The following SLC15A1 variants were observed in gnomAD, a reference collection of about 807,000 sequenced individuals.
The protein encoded by SLC15A1 is solute carrier family 15 member 1.
SLC15A1 carries 83 observed loss-of-function variants against 92.9 expected under a neutral mutation model. That is an observed-to-expected ratio of 0.89 (90% CI 0.75 to 1.07). SLC15A1 has a LOEUF of 1.07. SLC15A1 is among the 50% of genes least tolerant of loss of function. SLC15A1 has a pLI of 0.00. For missense variants in SLC15A1, 857 were observed against 880.1 expected (o/e 0.97, Z 0.33); for synonymous variants, 322 against 318.2 (o/e 1.01, Z -0.13).
At chr13:98,726,062 A>G (rs185008935) in intron 4 of SLC15A1, 61 bp downstream of exon 4, 13 of 1,587,658 alleles carry the variant, frequency 8.2e-6, no homozygotes, top group Admixed American at 5.3e-5. Context: ...ACCATTCCCA[A>G]CTACAAAACC....
intron 1 of SLC15A1, among the ~76,000 whole-genome samples, chr13:98,744,325 C>T (rs1246542161): frequency 2.8e-5 from 4 of 144,146 alleles, no homozygotes; most frequent in East Asian, 2.0e-4. Context: ...AAGACCCTAA[C>T]TTATACACAC....
intron 22 of SLC15A1, among the ~76,000 whole-genome samples, chr13:98,685,748 G>T (rs771989804): frequency 3.9e-5 from 6 of 152,086 alleles, no homozygotes; most frequent in Non-Finnish European, 7.4e-5. Flanking sequence ...AGCACTTTGG[G>T]GGGCCAAGGT....
At chr13:98,720,966 T>G in intron 7 of SLC15A1, 1 of 366,104 alleles carries the variant, frequency 2.7e-6, no homozygotes, top group South Asian at 2.1e-5. Flanking sequence ...GCAGGAGAAT[T>G]GCTTGAACCC....
At chr13:98,747,468 G>GT in intron 1 of SLC15A1, among the ~76,000 whole-genome samples, 1 of 152,308 alleles carries the variant, frequency 6.6e-6, no homozygotes, top group South Asian at 2.1e-4. Context: ...GGGGAATAGA[G>GT]TAGCAGTCCC....
chr13:98,710,373 A>T (rs1248218766), intron 11 of SLC15A1, among the ~76,000 whole-genome samples: 2 of 152,170 alleles, frequency 1.3e-5, no homozygotes, highest in East Asian at 3.9e-4. Flanking sequence ...TGGTGGATTT[A>T]TACCTGGGCA....
intron 1 of SLC15A1, among the ~76,000 whole-genome samples, chr13:98,738,314 G>A (rs2088411079): frequency 1.3e-5 from 2 of 152,264 alleles, no homozygotes; most frequent in Admixed American, 1.3e-4. Context: ...ACTTGCCAGA[G>A]ATATTTGCAT....
At chr13:98,707,891 T>TA (rs745924829) in intron 15 of SLC15A1, among the ~76,000 whole-genome samples, 1,468 of 106,672 alleles carry the variant, frequency 0.014, 62 homozygotes, top group East Asian at 0.11. Context: ...AGACCCTGTT[T>TA]AAAAAAAAAA....
chr13:98,723,028 T>C (rs7989936), intron 5 of SLC15A1, among the ~76,000 whole-genome samples: 1,861 of 152,258 alleles, frequency 0.012, 33 homozygotes, highest in African/African-American at 0.041. Context: ...AGAAACTTGC[T>C]CAAGCTCACA....
rs142716339 is a variant in SLC15A1 at position 98,684,910 on chromosome 13, G to A, written c.1941C>T (p.Ala647=). 1.9e-5 allele frequency: 31 copies of A among 1,610,350 alleles called. No individual in the cohort carries two copies. In the African/African-American group the frequency reaches 2.1e-4, roughly 11 times the overall value. ...AGAGQFSKQW[A]EYILFAALLL... is the part of the protein sequence containing the mutation. ...GCAACGCGGCAAATAGAATGTACTC[G>A]GCCCACTTTGAAGAAATCAGAGTTG... The change falls in exon 23 of 23, where the codon GCC becomes GCT. Residue 647 remains alanine, a synonymous_variant. Coordinates refer to ENST00000376503, the MANE Select transcript of SLC15A1 (RefSeq NM_005073.4).
intron 5 of SLC15A1, 134 bp downstream of exon 5, chr13:98,723,778 T>C (rs1187774928): frequency 8.1e-7 from 1 of 1,234,322 alleles, no homozygotes; most frequent in African/African-American, 1.5e-5. Context: ...TTGACAGCCT[T>C]CTCCATGCTG....
At chr13:98,740,663 C>G (rs560645080) in intron 1 of SLC15A1, among the ~76,000 whole-genome samples, 2 of 152,282 alleles carry the variant, frequency 1.3e-5, no homozygotes, top group Non-Finnish European at 2.9e-5. Flanking sequence ...ACAGAGCCTC[C>G]TGTAGCATAG....
intron 1 of SLC15A1, among the ~76,000 whole-genome samples, chr13:98,728,992 A>C (rs1451480843): frequency 2.7e-5 from 4 of 146,760 alleles, no homozygotes; most frequent in African/African-American, 5.0e-5. Flanking sequence ...AAAAAAAAAA[A>C]AAAAAAAAAA....
chr13:98,752,472 C>T, intron 1 of SLC15A1, 123 bp downstream of exon 1: 1 of 935,316 alleles, frequency 1.1e-6, no homozygotes, highest in Non-Finnish European at 1.4e-6. Context: ...CCCCCGTGGG[C>T]CTTCGGGTCG....
At chr13:98,719,819 A>C (rs534315600) in intron 7 of SLC15A1, among the ~76,000 whole-genome samples, 25 of 152,196 alleles carry the variant, frequency 1.6e-4, no homozygotes, top group African/African-American at 6.0e-4. Context: ...ACTTAACCCC[A>C]CCTTTGCAGG....
intron 1 of SLC15A1, among the ~76,000 whole-genome samples, chr13:98,730,088 CAG>C (rs566389301): frequency 3.9e-4 from 59 of 151,704 alleles, no homozygotes; most frequent in African/African-American, 1.3e-3. Context: ...GCCAGCTACT[CAG>C]GAGGCTGAGG....
intron 14 of SLC15A1, among the ~76,000 whole-genome samples, chr13:98,709,140 C>A: frequency 6.6e-6 from 1 of 151,872 alleles, no homozygotes; most frequent in South Asian, 2.1e-4. Context: ...GCTTATTTTT[C>A]GTATTTTTAG....
At chr13:98,713,749 C>T (rs1159335206) in intron 9 of SLC15A1, among the ~76,000 whole-genome samples, 2 of 151,952 alleles carry the variant, frequency 1.3e-5, no homozygotes, top group Non-Finnish European at 2.9e-5. Flanking sequence ...TGAGCGTGAT[C>T]GAAAGGCAGT....
chr13:98,717,508 A>G (rs2088220292), intron 8 of SLC15A1, among the ~76,000 whole-genome samples: 4 of 152,236 alleles, frequency 2.6e-5, no homozygotes, highest in Admixed American at 2.6e-4. Context: ...ATGAGATAAC[A>G]ATGTACCTAA....
rs1395326197 is a variant in SLC15A1, at chr13:98,721,908, G to T, written c.366-5C>A. The T allele has an allele frequency of 1.2e-6, 2 of 1,610,880 alleles. No individual in the cohort carries two copies. Among genetic ancestry groups the T allele is most frequent in the South Asian group, 1.1e-5 (1 of 90,606 alleles). On this transcript the variant is annotated splice_polypyrimidine_tract_variant and splice_region_variant and intron_variant, in intron 5 of 22. Transcript: ENST00000376503. ...AGGCCGATCAAGGACAGCACCCTGGGAAAGACAGGGTGTTAGGGCCAACAT... is the reference window on the plus strand; with the variant it reads ...AGGCCGATCAAGGACAGCACCCTGGTAAAGACAGGGTGTTAGGGCCAACAT...
Sources: allele counts gnomAD v4.1 joint callset (sites outside exome capture counted in the v4.1 genomes callset), GRCh38; gene constraint gnomAD v4.1.1; transcripts MANE v1.5; gene names NCBI Gene and HGNC (gene_info 2026-07-23, HGNC 2026-07-21).